ACAP3: variants seen among roughly 807,000 people sequenced by gnomAD.
ACAP3 encodes ArfGAP with coiled-coil, ankyrin repeat and PH domains 3, also known as arf-GAP with coiled-coil, ANK repeat and PH domain-containing protein 3.
In ACAP3, 56 loss-of-function variants were observed where a neutral mutation model predicts 104.1. The ratio of observed to expected loss-of-function variants is 0.54; its 90% CI spans 0.43 to 0.67. The LOEUF (loss-of-function observed/expected upper bound fraction) is 0.67, where lower values mean the gene tolerates loss of function less well. Ranked by LOEUF, ACAP3 falls within the 30% of genes least tolerant of loss-of-function variation. The probability of loss-of-function intolerance (pLI) is 0.00; values close to 1 mark genes in which losing one functional copy is unlikely to be tolerated. For missense variants in ACAP3, 1,208 were observed against 1,174.9 expected (o/e 1.03, Z -0.41); for synonymous variants, 628 against 496.2 (o/e 1.27, Z -3.53).
In ACAP3 at chr1:1,295,536, T is replaced by TTACG; in HGVS notation, c.1720_1723dup (p.Lys575ThrfsTer2). ...ACAGAAGAGGGAGTCTCGGCGGAAC[T>TTACG]TACGATCCAGGGTGCCCACTGCAGG... On this transcript the variant is annotated stop_gained and frameshift_variant, in exon 19 of 24. Transcript: ENST00000354700. LOFTEE classifies it high-confidence loss of function. The TTACG allele has an allele frequency of 1.2e-6, 2 of 1,612,568 alleles. No individual in the cohort carries two copies.
chr1:1,296,436 G>T lies in ACAP3; in HGVS notation c.1326C>A (p.Ser442=). ...CCTCAGGGGCCCACCTGTGGATGCC[G>T]GAGCACTCAATGCAGAGCAGCACGC... ...NLGVLLCIEC[S]GIHRSLGVHC... The change falls in exon 15 of 24, where the codon TCC becomes TCA. Residue 442 remains serine, a synonymous_variant. Coordinates refer to ENST00000354700, the MANE Select transcript of ACAP3 (RefSeq NM_030649.3). The T allele has an allele frequency of 6.5e-7, 1 of 1,546,238 alleles. No homozygotes were observed.
intron 14 of ACAP3, 147 bp downstream of exon 14, chr1:1,297,675 G>A (rs1641244516): frequency 7.2e-6 from 4 of 558,472 alleles, no homozygotes; most frequent in Admixed American, 3.8e-5. Flanking sequence ...GCGGGGCAGG[G>A]GCCATCCCCG....
At position 1,298,404 on chromosome 1, in the gene ACAP3, T is replaced by C; in HGVS notation, c.881A>G (p.Gln294Arg). Residue 294 changes from glutamine (Q) to arginine (R), a missense_variant, in exon 12 of 24, where the codon CAG (glutamine) becomes CGG (arginine). Gln to Arg is a conservative substitution (Grantham distance 43). Transcript: ENST00000354700. Reference protein sequence around the residue: ...KTWNRRWFSIQNSQLVYQKKL... With the variant: ...KTWNRRWFSIRNSQLVYQKKL... ...CTTCTGGTAGACCAGCTGGCTGTTC[T>C]GAATGGAGAACCAGCGCCTAGGTGG... The C allele has an allele frequency of 1.9e-6, 3 of 1,602,492 alleles. No individual in the cohort carries two copies. The highest frequency in any genetic ancestry group is 2.6e-6 in the Non-Finnish European group (3 of 1,174,292).
rs1043673023 is a variant in ACAP3 at position 1,303,934 on chromosome 1, A to G, written c.105+152T>C. 6 of 894,626 alleles carry G rather than the reference A, an allele frequency of 6.7e-6. No individual in the cohort carries two copies. The highest frequency in any genetic ancestry group is 1.6e-5 in the South Asian group (1 of 61,526). The allele number at this position is 894,626 out of a possible 1,614,324, so 55.4% of individuals were successfully genotyped here. ...GTGACATGTGCACCCTGGAACACAC[A>G]TGCTAAGACACAGGGACCAGGACCT... On this transcript the variant is annotated intron_variant, in intron 2 of 23. Coordinates refer to ENST00000354700, the MANE Select transcript of ACAP3 (RefSeq NM_030649.3). The surrounding 1 kb of genome is among the most constrained non-coding windows in gnomAD (Gnocchi z 4.0).
At chr1:1,295,042 T>G in intron 19 of ACAP3, 1 of 572,958 alleles carries the variant, frequency 1.7e-6, no homozygotes, top group Non-Finnish European at 3.1e-6. Flanking sequence ...CCAGGCCTTT[T>G]GGGAAGCCCT....
rs1199664132 is a variant in ACAP3, at chr1:1,296,548, A to G, written c.1214T>C (p.Val405Ala). ...TRERGVKGES[V>A]LQRVQSVAGN... ...GGCCACACTCTGCACACGCTGCAGC[A>G]CACTCTCGCCCTTCACGCCACGCTC... Residue 405 changes from valine to alanine, a missense_variant, in exon 15 of 24, where the codon GTG (valine) becomes GCG (alanine). Transcript: ENST00000354700. The G allele has an allele frequency of 1.3e-6, 2 of 1,539,598 alleles. No individual in the cohort carries two copies. The highest frequency in any genetic ancestry group is 1.7e-6 in the Non-Finnish European group (2 of 1,146,678).
In ACAP3 at chr1:1,295,106, C is replaced by T. The variant is rs1338113614; in HGVS notation, c.1814-290G>A. On this transcript the variant is annotated intron_variant, in intron 19 of 23. Coordinates refer to ENST00000354700, the MANE Select transcript of ACAP3 (RefSeq NM_030649.3). ...CCCCCCGCAGTGGGCCCCCCAGCCC[C>T]GTCTGTGGCTGGCCCAGGCTGAAAT... The T allele has an allele frequency of 9.0e-6, 5 of 557,508 alleles. No individual in the cohort carries two copies. The East Asian group carries it at 1.2e-4, about 13-fold the overall frequency. The allele number at this position is 557,508 out of a possible 1,614,324, so 34.5% of individuals were successfully genotyped here.
At position 1,295,520 on chromosome 1, in the gene ACAP3, G is replaced by T; in HGVS notation, c.1740C>A (p.Ser580=). The change falls in exon 19 of 24, where the codon TCC becomes TCA. Residue 580 remains serine, a synonymous_variant. Coordinates refer to ENST00000354700, the MANE Select transcript of ACAP3 (RefSeq NM_030649.3). ...AGTCCAGCTCGTCGGGACAGAAGAG[G>T]GAGTCTCGGCGGAACTTACGATCCA... ...GTLDRKFRRD[S]LFCPDELDSL... The T allele has an allele frequency of 1.2e-6, 2 of 1,612,682 alleles. No homozygotes were observed. The highest frequency in any genetic ancestry group is 1.7e-6 in the Non-Finnish European group (2 of 1,179,904).
rs1177334545 is a variant in ACAP3 at position 1,293,284 on chromosome 1, G to A, written c.*280C>T. ...GTGGCTTGTGACATGAGCAACCCAG[G>A]CCCCTGAAAAGGGGTGACCTGAAGA... On this transcript the variant is annotated 3_prime_UTR_variant, in exon 24 of 24. Transcript: ENST00000354700. The A allele has an allele frequency of 1.2e-5, 3 of 253,070 alleles. No homozygotes were observed. Among genetic ancestry groups the A allele is most frequent in the Admixed American group, 1.1e-4 (2 of 17,466 alleles). 15.7% of individuals were successfully genotyped at this position (253,070 alleles called of 1,614,324 possible).
Position 1,296,538 on chromosome 1 carries a change from A to T in ACAP3, c.1224T>A (p.Arg408=). The T allele has an allele frequency of 1.9e-6, 3 of 1,539,748 alleles. No individual in the cohort carries two copies. The highest frequency in any genetic ancestry group is 2.6e-6 in the Non-Finnish European group (3 of 1,146,672). The part of the protein sequence containing the change: ...RGVKGESVLQ[R]VQSVAGNSQC... ...GGCTGTTGCCGGCCACACTCTGCAC[A>T]CGCTGCAGCACACTCTCGCCCTTCA... is the stretch of plus-strand genomic sequence containing the variant. The change falls in exon 15 of 24, where the codon CGT becomes CGA. Residue 408 remains arginine, a synonymous_variant. Coordinates refer to ENST00000354700, the MANE Select transcript of ACAP3 (RefSeq NM_030649.3).
chr1:1,295,676 C>CG, intron 18 of ACAP3, 60 bp downstream of exon 18: 1 of 1,554,162 alleles, frequency 6.4e-7, no homozygotes, highest in Non-Finnish European at 8.7e-7. Flanking sequence ...AGCCCCTTGA[C>CG]GGAGTCCATC....
Position 1,296,032 on chromosome 1 carries a change from G to A in ACAP3, c.1485C>T (p.Pro495=). 1.2e-6 allele frequency: 2 copies of A among 1,612,798 alleles called. No individual in the cohort carries two copies. The highest frequency in any genetic ancestry group is 1.7e-6 in the Non-Finnish European group (2 of 1,179,978). The change falls in exon 17 of 24, where the codon CCC becomes CCT. Residue 495 remains proline, a synonymous_variant. Coordinates refer to ENST00000354700, the MANE Select transcript of ACAP3 (RefSeq NM_030649.3). ...AQCEGAGSRK[P]TASSSRQDKE... ...CACCTCACCGGGAGCTGCTGGCTGT[G>A]GGTTTCCTGCTGCCTGCACCCTCAC... is the stretch of plus-strand genomic sequence containing the variant.
intron 14 of ACAP3, among the ~76,000 whole-genome samples, chr1:1,296,966 C>T (rs1471369405): frequency 1.3e-5 from 2 of 152,258 alleles, no homozygotes; most frequent in Non-Finnish European, 2.9e-5. Flanking sequence ...CTCACATGGG[C>T]AGATGGTACC....
rs540738244 is a variant in ACAP3, at chr1:1,294,498, A to C, written c.2043T>G (p.Leu681=). The stretch of plus-strand genomic sequence containing the variant: ...GGGCCAGCGCCGCCGCCAGCGCAGG[A>C]AGGTCGCGGGCACGCGCTGCGCGGT... ...LAHRAARARD[L]PALAAALAHG... is the part of the protein sequence containing the mutation. Residue 681 remains leucine, a synonymous_variant, in exon 21 of 24, where the codon CTT becomes CTG. Transcript: ENST00000354700. The C allele has an allele frequency of 1.1e-3, 1,658 of 1,537,850 alleles. 21 individuals are homozygous for C. In the East Asian group the frequency reaches 0.026, roughly 25 times the overall value.
At chr1:1,298,952 G>A in intron 10 of ACAP3, 1 of 550,294 alleles carries the variant, frequency 1.8e-6, no homozygotes, top group Non-Finnish European at 3.2e-6. Flanking sequence ...GGACCAGCAG[G>A]CTGCGATCAG....
intron 1 of ACAP3, chr1:1,306,055 A>G (rs1641679326): frequency 6.6e-6 from 1 of 152,234 alleles, no homozygotes; most frequent in South Asian, 2.1e-4. Flanking sequence ...CAGTTAAATC[A>G]CAGCCTAACC....
chr1:1,298,345 C>A (rs745718900), intron 12 of ACAP3, 25 bp downstream of exon 12: 1 of 1,605,846 alleles, frequency 6.2e-7, no homozygotes, highest in East Asian at 2.2e-5. Context: ...GCCATCAGGG[C>A]CCCAGCCCCA....
rs1641345862 is a variant in ACAP3, at chr1:1,299,376, G to A, written c.739-20C>T. The A allele has an allele frequency of 4.5e-6, 7 of 1,538,910 alleles. No individual in the cohort carries two copies. In the Middle Eastern group the frequency reaches 9.8e-4, roughly 215 times the overall value. Reference sequence around the variant, plus strand: ...CAGCGTCTGGAGGGCCGGAGCAGGAGGGGGTAGGGGGAGAAAGCCAGTGAG... The same window carrying A: ...CAGCGTCTGGAGGGCCGGAGCAGGAAGGGGTAGGGGGAGAAAGCCAGTGAG... On this transcript the variant is annotated intron_variant, in intron 9 of 23. Transcript: ENST00000354700.
chr1:1,294,259 A>G (rs1641005696), intron 21 of ACAP3, 60 bp from the exon 22 acceptor site: 1 of 1,525,326 alleles, frequency 6.6e-7, no homozygotes, highest in African/African-American at 1.4e-5. Flanking sequence ...GCGCCTCTGC[A>G]CCCTGACCCC....
Sources: allele counts gnomAD v4.1 joint callset (sites outside exome capture counted in the v4.1 genomes callset), GRCh38; gene constraint gnomAD v4.1.1; non-coding constraint Gnocchi (gnomAD v3.1); transcripts MANE v1.5; gene names NCBI Gene and HGNC (gene_info 2026-07-23, HGNC 2026-07-21).